SPIRE1: variants seen among roughly 807,000 people sequenced by gnomAD.
SPIRE1 encodes protein spire homolog 1.
SPIRE1 carries 40 observed loss-of-function variants against 94.1 expected under a neutral mutation model. The observed-to-expected ratio is 0.43, with a 90% confidence interval of 0.33 to 0.55. The LOEUF (loss-of-function observed/expected upper bound fraction) is 0.55. SPIRE1 is among the 20% of genes least tolerant of loss of function. The probability of loss-of-function intolerance (pLI) is 0.06; values close to 1 mark genes in which losing one functional copy is unlikely to be tolerated. For missense variants in SPIRE1, 838 were observed against 975.2 expected (o/e 0.86, Z 1.87); for synonymous variants, 376 against 371.7 (o/e 1.01, Z -0.13).
At chr18:12,625,021 C>G (rs895209132) in intron 2 of SPIRE1, among the ~76,000 whole-genome samples, 1 of 149,436 alleles carries the variant, frequency 6.7e-6, no homozygotes, top group Non-Finnish European at 1.5e-5. Flanking sequence ...TGACTGTAAC[C>G]CAGAAAGGTC....
chr18:12,475,500 T>A (rs2032529110), intron 10 of SPIRE1, among the ~76,000 whole-genome samples: 1 of 150,670 alleles, frequency 6.6e-6, no homozygotes, highest in African/African-American at 2.4e-5. Context: ...ATGGAAAAAA[T>A]GGAGTGGTAC....
chr18:12,463,331 A>T lies in SPIRE1; in HGVS notation c.1638+20T>A, dbSNP rs764034718. The T allele has an allele frequency of 6.3e-7, 1 of 1,586,128 alleles. No homozygotes were observed. The highest frequency in any genetic ancestry group is 8.6e-7 in the Non-Finnish European group (1 of 1,165,042). On this transcript the variant is annotated intron_variant, in intron 12 of 16. Coordinates refer to ENST00000409402, the MANE Select transcript of SPIRE1 (RefSeq NM_001128626.2). Reference sequence around the variant, plus strand: ...TTCTAGCTGGTCCCTAAGTTACTACAAAGTCTTTCCTGTACTTACAAGAGA... The same window carrying T: ...TTCTAGCTGGTCCCTAAGTTACTACTAAGTCTTTCCTGTACTTACAAGAGA...
At chr18:12,466,992 G>C (rs1568187989) in intron 10 of SPIRE1, among the ~76,000 whole-genome samples, 1 of 152,160 alleles carries the variant, frequency 6.6e-6, no homozygotes, top group Admixed American at 6.5e-5. Context: ...AAACAAAAAA[G>C]GGCTAGGCTG....
chr18:12,505,749 A>G (rs1463460092), intron 6 of SPIRE1, among the ~76,000 whole-genome samples: 1 of 152,208 alleles, frequency 6.6e-6, no homozygotes, highest in East Asian at 1.9e-4. Flanking sequence ...TTATAAAGGG[A>G]CACAAGGTGA....
chr18:12,638,637 C>T (rs969338010), intron 1 of SPIRE1, among the ~76,000 whole-genome samples: 2 of 152,108 alleles, frequency 1.3e-5, no homozygotes, highest in Non-Finnish European at 2.9e-5. Context: ...TATGCCCCCA[C>T]CCAAATCTCC....
intron 5 of SPIRE1, among the ~76,000 whole-genome samples, chr18:12,507,659 A>G (rs909742146): frequency 2.0e-5 from 3 of 151,952 alleles, no homozygotes; most frequent in African/African-American, 7.3e-5. Flanking sequence ...AGATCGCACC[A>G]CTGTACTCCA....
intron 2 of SPIRE1, among the ~76,000 whole-genome samples, chr18:12,558,995 A>C (rs1217799822): frequency 6.6e-6 from 1 of 152,146 alleles, no homozygotes; most frequent in African/African-American, 2.4e-5. Flanking sequence ...GACCCTACCC[A>C]ACTCAGGAGC....
At chr18:12,460,898 A>G (rs1192984089) in intron 12 of SPIRE1, among the ~76,000 whole-genome samples, 1 of 152,178 alleles carries the variant, frequency 6.6e-6, no homozygotes, top group Admixed American at 6.5e-5. Flanking sequence ...ATTTCCCAAG[A>G]TAAGCTATTA....
At chr18:12,529,838 G>A (rs2034635031) in intron 4 of SPIRE1, among the ~76,000 whole-genome samples, 1 of 152,144 alleles carries the variant, frequency 6.6e-6, no homozygotes, top group African/African-American at 2.4e-5. Context: ...GCCTTATAAA[G>A]TTCTTGCTGC....
chr18:12,497,622 G>A (rs2033506919), intron 6 of SPIRE1, among the ~76,000 whole-genome samples: 1 of 152,130 alleles, frequency 6.6e-6, no homozygotes, highest in South Asian at 2.1e-4. Flanking sequence ...AGGAATAACT[G>A]CTGCTGCTTG....
chr18:12,519,332 A>C (rs2034291682), intron 4 of SPIRE1, among the ~76,000 whole-genome samples: 1 of 152,110 alleles, frequency 6.6e-6, no homozygotes, highest in Admixed American at 6.6e-5. Flanking sequence ...TTTTGTACCT[A>C]TACACACATG....
chr18:12,511,404 A>T (rs1220734028), intron 5 of SPIRE1, among the ~76,000 whole-genome samples: 1 of 152,146 alleles, frequency 6.6e-6, no homozygotes, highest in Non-Finnish European at 1.5e-5. Context: ...TCTAGGTTGT[A>T]TGCTCCTTAC....
At chr18:12,650,884 A>G (rs2144891762) in intron 1 of SPIRE1, among the ~76,000 whole-genome samples, 1 of 151,956 alleles carries the variant, frequency 6.6e-6, no homozygotes. Context: ...CTCAAAAAAA[A>G]AAAAAAAAAA....
Position 12,449,640 on chromosome 18 carries a change from A to G in SPIRE1, c.2269T>C (p.Ter757ArgextTer20), listed in dbSNP as rs2031121927. ...CPSERTISEI[*>R] ...AAAGCAGCTGAAAGGCACGAGGCTC[A>G]GATCTCACTGATCGTCCTCTCTGAA... Residue 757 changes from the stop codon to arginine (R), a stop_lost, in exon 17 of 17, where the codon TGA becomes CGA. Transcript: ENST00000409402. The G allele has an allele frequency of 6.2e-7, 1 of 1,613,670 alleles. No homozygotes were observed. Among genetic ancestry groups the G allele is most frequent in the South Asian group, 1.1e-5 (1 of 91,028 alleles).
intron 2 of SPIRE1, among the ~76,000 whole-genome samples, chr18:12,554,444 T>C (rs1470013913): frequency 6.6e-6 from 1 of 151,922 alleles, no homozygotes; most frequent in Non-Finnish European, 1.5e-5. Flanking sequence ...GATCAAACCA[T>C]GAAGAAATCC....
chr18:12,642,756 G>A (rs2038121277), intron 1 of SPIRE1, among the ~76,000 whole-genome samples: 1 of 152,172 alleles, frequency 6.6e-6, no homozygotes, highest in South Asian at 2.1e-4. Flanking sequence ...ACACACCAGG[G>A]CCTGTCAGGG....
intron 12 of SPIRE1, 118 bp from the exon 13 acceptor site, chr18:12,454,601 A>G (rs544637123): frequency 2.5e-5 from 23 of 914,026 alleles, no homozygotes; most frequent in African/African-American, 3.3e-5. Context: ...AGGTTTCCCA[A>G]TGACCACTGG....
Position 12,451,015 on chromosome 18 carries a change from GGAA to G in SPIRE1, c.2013-1122_2013-1120del, listed in dbSNP as rs372126378. On this transcript the variant is annotated intron_variant, in intron 16 of 16. Transcript: ENST00000409402. ...AAGATGAAGATGAACAAGATGAAAA[GGAA>G]GAAGGAGGGGAGGAGGAGGAGGAGG... The G allele has an allele frequency of 5.1e-5, 28 of 552,892 alleles. 1 individual carries two copies. Among genetic ancestry groups the G allele is most frequent in the South Asian group, 4.1e-4 (23 of 56,650 alleles). 34.2% of individuals were successfully genotyped at this position (552,892 alleles called of 1,614,324 possible).
At chr18:12,512,568 TAA>T (rs1337494330) in intron 4 of SPIRE1, 37 bp from the exon 5 acceptor site, 4 of 1,290,530 alleles carry the variant, frequency 3.1e-6, no homozygotes, top group African/African-American at 3.0e-5. Context: ...AACATTTCAT[TAA>T]GTTATCTTCT....
Sources: gnomAD v4.1 joint callset for allele counts (sites outside exome capture counted in the v4.1 genomes callset) on GRCh38, gnomAD v4.1.1 for gene constraint, MANE v1.5 for transcripts, NCBI Gene and HGNC (gene_info 2026-07-23, HGNC 2026-07-21) for gene names.